The following FCHSD2 variants were observed in gnomAD, a reference collection of about 807,000 sequenced individuals.
The protein encoded by FCHSD2 is F-BAR and double SH3 domains protein 2.
A neutral mutation model predicts 108.1 loss-of-function variants in FCHSD2; 38 were observed. That is an observed-to-expected ratio of 0.35 (90% CI 0.27 to 0.46). The LOEUF is 0.46. Ranked by LOEUF, FCHSD2 falls within the 20% of genes least tolerant of loss-of-function variation. FCHSD2 has a pLI of 1.00. For missense variants in FCHSD2, 751 were observed against 897.8 expected, an observed-to-expected ratio of 0.84 and a Z score of 2.09; for synonymous variants, 279 against 314.7, an observed-to-expected ratio of 0.89 and a Z score of 1.20.
chr11:72,905,603 G>T lies in FCHSD2; in HGVS notation c.829-2965C>A, dbSNP rs182835402. 5.8e-5 allele frequency among the ~76,000 whole-genome samples: 8 copies of T among 138,766 alleles called. No individual in the cohort carries two copies. The East Asian group carries it at 1.8e-3, about 31-fold the overall frequency. The allele number at this position is 138,766 out of a possible 152,430, so 91.0% of individuals were successfully genotyped here. A position where few individuals can be genotyped will look rare whatever the true frequency, so the allele number is the denominator to read the frequency against. ...TCCTTCCCCTAGCCCCCCACCCCCC[G>T]ACAGGTCCCAGTGCGTGATGTTCCC... On this transcript the variant is annotated intron_variant, in intron 9 of 19. Coordinates refer to ENST00000409418, the MANE Select transcript of FCHSD2 (RefSeq NM_014824.3).
chr11:72,965,617 A>G (rs987116742), intron 8 of FCHSD2, among the ~76,000 whole-genome samples: 5 of 152,200 alleles, frequency 3.3e-5, no homozygotes, highest in South Asian at 2.1e-4. Context: ...GTGACTCTTC[A>G]TAAGTCTTCA....
At position 73,108,623 on chromosome 11, in the gene FCHSD2, C is replaced by A. The variant is rs58891110; in HGVS notation, c.120-24883G>T. Among the ~76,000 whole-genome samples the A allele has an allele frequency of 3.6e-3, 546 of 152,278 alleles. 1 individual carries two copies. Among genetic ancestry groups the A allele is most frequent in the African/African-American group, 0.012 (516 of 41,562 alleles). ...GTCGCCCAGGCCGGACTGCGGACTG[C>A]AGTGGCGCAATCTCGGCTCACTGCA... On this transcript the variant is annotated intron_variant, in intron 2 of 19. Coordinates refer to ENST00000409418, the MANE Select transcript of FCHSD2 (RefSeq NM_014824.3).
intron 3 of FCHSD2, among the ~76,000 whole-genome samples, chr11:73,057,310 G>A (rs930369689): frequency 2.0e-5 from 3 of 152,008 alleles, no homozygotes; most frequent in Middle Eastern, 3.4e-3. Context: ...AGGCCACTAG[G>A]AGAAGCAAAA....
chr11:72,911,311 T>C (rs1352622094), intron 9 of FCHSD2, among the ~76,000 whole-genome samples: 1 of 152,248 alleles, frequency 6.6e-6, no homozygotes, highest in Non-Finnish European at 1.5e-5. Context: ...TAGGTAGATT[T>C]GATTCTGGGT....
chr11:73,028,970 A>G (rs766149452), intron 3 of FCHSD2, among the ~76,000 whole-genome samples: 2 of 152,054 alleles, frequency 1.3e-5, no homozygotes, highest in Non-Finnish European at 2.9e-5. Flanking sequence ...TTTATAAATT[A>G]CCCAGTCTCA....
At chr11:72,889,046 C>A (rs1855259290) in intron 11 of FCHSD2, among the ~76,000 whole-genome samples, 1 of 152,116 alleles carries the variant, frequency 6.6e-6, no homozygotes, top group South Asian at 2.1e-4. Context: ...GCTCCGCCTC[C>A]CAGGTTCATG....
chr11:73,101,339 A>C (rs1164145612), intron 2 of FCHSD2, among the ~76,000 whole-genome samples: 1 of 152,192 alleles, frequency 6.6e-6, no homozygotes, highest in African/African-American at 2.4e-5. Flanking sequence ...TACATCACTA[A>C]AACATTGTAA....
chr11:73,107,705 T>G (rs1307963892), intron 2 of FCHSD2, among the ~76,000 whole-genome samples: 2 of 152,256 alleles, frequency 1.3e-5, no homozygotes, highest in African/African-American at 4.8e-5. Flanking sequence ...CAAATTTATC[T>G]TTTCTGTGTC....
chr11:72,923,856 TTG>T (rs1856022292), intron 8 of FCHSD2, among the ~76,000 whole-genome samples: 1 of 152,172 alleles, frequency 6.6e-6, no homozygotes, highest in Non-Finnish European at 1.5e-5. Flanking sequence ...GGAGAACTGC[TTG>T]TACCCAGGAG....
At chr11:72,888,594 C>T (rs569939928) in intron 11 of FCHSD2, among the ~76,000 whole-genome samples, 4 of 151,594 alleles carry the variant, frequency 2.6e-5, no homozygotes, top group South Asian at 2.1e-4. Flanking sequence ...GTTTAGTCTT[C>T]GAGATATATT....
At chr11:72,871,201 G>T (rs1221242064) in intron 12 of FCHSD2, among the ~76,000 whole-genome samples, 1 of 152,170 alleles carries the variant, frequency 6.6e-6, no homozygotes, top group African/African-American at 2.4e-5. Context: ...CTGAAAGTCA[G>T]CTAATCTGTG....
rs1854767599 is a variant in FCHSD2, at chr11:72,867,979, A to G, written c.1194T>C (p.Ile398=). 4 of 1,582,906 alleles carry G rather than the reference A, an allele frequency of 2.5e-6. No individual in the cohort carries two copies. In the East Asian group the frequency reaches 9.0e-5, roughly 36 times the overall value. Residue 398 remains isoleucine, a synonymous_variant, in exon 13 of 20, where the codon ATT becomes ATC. Transcript: ENST00000409418. ...TTAGCCATGTGTCCACAGAAACACC[A>G]ATCTGCTTTAGCAGGTCCAACCGGG... ...AEARLDLLKQ[I]GVSVDTWLKS...
chr11:73,018,177 T>C (rs1225486917), intron 3 of FCHSD2, among the ~76,000 whole-genome samples: 1 of 152,204 alleles, frequency 6.6e-6, no homozygotes, highest in Non-Finnish European at 1.5e-5. Flanking sequence ...GGCTCCCATA[T>C]CATGATCCCA....
At chr11:73,017,059 T>A (rs1857989682) in intron 3 of FCHSD2, among the ~76,000 whole-genome samples, 1 of 152,210 alleles carries the variant, frequency 6.6e-6, no homozygotes, top group African/African-American at 2.4e-5. Flanking sequence ...CATGGCTCAA[T>A]GCAGCCTCAA....
chr11:73,120,589 C>G lies in FCHSD2; in HGVS notation c.119+19442G>C, dbSNP rs191483241. On this transcript the variant is annotated intron_variant, in intron 2 of 19. Coordinates refer to ENST00000409418, the MANE Select transcript of FCHSD2 (RefSeq NM_014824.3). ...TACTAAAAATACAAAATTAGCCGGG[C>G]GTGGTGGTGCATGCCTATAATCCCA... 1.0e-3 allele frequency among the ~76,000 whole-genome samples: 159 copies of G among 151,926 alleles called. 2 individuals are homozygous for G. Among genetic ancestry groups the G allele is most frequent in the Non-Finnish European group, 1.8e-3 (122 of 67,956 alleles).
chr11:72,981,631 T>C (rs762187700), intron 8 of FCHSD2, among the ~76,000 whole-genome samples: 4 of 152,220 alleles, frequency 2.6e-5, no homozygotes, highest in Non-Finnish European at 4.4e-5. Context: ...AAATGTGTTC[T>C]TTGAAACTGT....
intron 4 of FCHSD2, among the ~76,000 whole-genome samples, chr11:73,007,882 G>A (rs1857775814): frequency 6.6e-6 from 1 of 152,224 alleles, no homozygotes; most frequent in African/African-American, 2.4e-5. Flanking sequence ...GGAGAACTGG[G>A]TGGGGAATGT....
intron 8 of FCHSD2, among the ~76,000 whole-genome samples, chr11:72,936,382 T>C (rs1372904580): frequency 2.0e-5 from 3 of 152,236 alleles, no homozygotes; most frequent in South Asian, 4.1e-4. Context: ...AAGAGGTCTG[T>C]TAAATCAATA....
intron 3 of FCHSD2, among the ~76,000 whole-genome samples, chr11:73,062,925 G>A (rs1859201956): frequency 6.6e-6 from 1 of 152,104 alleles, no homozygotes; most frequent in Admixed American, 6.5e-5. Context: ...TCAAATTCAG[G>A]AAATACATAG....
Sources: gnomAD v4.1 joint callset for allele counts (sites outside exome capture counted in the v4.1 genomes callset) on GRCh38, gnomAD v4.1.1 for gene constraint, MANE v1.5 for transcripts, NCBI Gene and HGNC (gene_info 2026-07-23, HGNC 2026-07-21) for gene names.